SHTN1: variants seen among roughly 807,000 people sequenced by gnomAD.
SHTN1 encodes the protein shootin 1.
A neutral mutation model predicts 83.1 loss-of-function variants in SHTN1; 42 were observed. The observed-to-expected ratio is 0.51, with a 90% CI of 0.39 to 0.65. The LOEUF (loss-of-function observed/expected upper bound fraction) is 0.65, where lower values mean the gene tolerates loss of function less well. Among genes scored for constraint, SHTN1 ranks in the 30% least tolerant of loss-of-function variants. The pLI is 0.00. For synonymous variants in SHTN1, 224 were observed against 247.7 expected (o/e 0.90, Z 0.90); for missense variants, 622 against 737.8 (o/e 0.84, Z 1.82).
Position 117,069,770 on chromosome 10 carries a change from G to A in SHTN1, c.-188-21260C>T, listed in dbSNP as rs75136172. 2.8e-3 allele frequency among the ~76,000 whole-genome samples: 429 copies of A among 152,236 alleles called. 2 individuals carry two copies. Among genetic ancestry groups the A allele is most frequent in the African/African-American group, 1.0e-2 (415 of 41,544 alleles). ...AAACAGCTAGTGAGTATAATCAGGA[G>A]ATAACACATGCCATTTTTCTGTTGG... On this transcript the variant is annotated intron_variant, in intron 1 of 17. Transcript: ENST00000392901.
intron 7 of SHTN1, among the ~76,000 whole-genome samples, chr10:116,947,233 G>A (rs1411231421): frequency 6.6e-6 from 1 of 152,086 alleles, no homozygotes; most frequent in Non-Finnish European, 1.5e-5. Flanking sequence ...CAGGACAGAG[G>A]GAGTGACGAT....
In SHTN1 at chr10:117,048,436, GT is replaced by G. The variant is rs559492451; in HGVS notation, c.-123+8del. 2,504 of 981,922 alleles carry G rather than the reference GT, an allele frequency of 2.6e-3. 3 individuals carry two copies. Among genetic ancestry groups the G allele is most frequent in the Non-Finnish European group, 2.7e-3 (2,267 of 826,784 alleles). 60.8% of individuals were successfully genotyped at this position (981,922 alleles called of 1,614,324 possible). ...TGATTAGACACATCGGCACGGTCTT[GT>G]TACCTACCCCCTTCTCTGAGGCAGA... On this transcript the variant is annotated splice_region_variant and intron_variant, in intron 2 of 17. Transcript: ENST00000392901.
intron 2 of SHTN1, among the ~76,000 whole-genome samples, chr10:117,015,519 C>T (rs539331005): frequency 3.9e-5 from 6 of 152,168 alleles, no homozygotes; most frequent in East Asian, 1.9e-4. Flanking sequence ...TTAGTACAGA[C>T]GGGATTTCTC....
chr10:117,072,129 T>C (rs1208277737), intron 1 of SHTN1, among the ~76,000 whole-genome samples: 1 of 152,198 alleles, frequency 6.6e-6, no homozygotes, highest in Non-Finnish European at 1.5e-5. Flanking sequence ...AATATGCGGA[T>C]GGGAAAAGAA....
chr10:117,068,758 T>C (rs1475073027), intron 1 of SHTN1, among the ~76,000 whole-genome samples: 1 of 152,190 alleles, frequency 6.6e-6, no homozygotes, highest in Non-Finnish European at 1.5e-5. Context: ...GAAATGTATA[T>C]TGAAATATTT....
At chr10:116,895,070 T>A (rs79438462) in intron 16 of SHTN1, among the ~76,000 whole-genome samples, 12 of 151,694 alleles carry the variant, frequency 7.9e-5, no homozygotes, top group African/African-American at 2.9e-4. Context: ...TAAAAAGGCA[T>A]AGAATAAAGT....
chr10:117,111,342 G>A (rs1853765649), intron 1 of SHTN1, among the ~76,000 whole-genome samples: 2 of 152,076 alleles, frequency 1.3e-5, no homozygotes, highest in East Asian at 3.9e-4. Flanking sequence ...TGCCCAGGCT[G>A]GAGTACAGTA....
rs184235676 is a variant in SHTN1, at chr10:117,057,108, T to C, written c.-188-8598A>G. ...TTTGCAGAGAACATGACTGTTTACA[T>C]AGAAAATCTCAAGAAATCTAGAATC... On this transcript the variant is annotated intron_variant, in intron 1 of 17. Coordinates refer to the SHTN1 transcript ENST00000392901. 1.1e-3 allele frequency among the ~76,000 whole-genome samples: 171 copies of C among 152,268 alleles called. 2 individuals carry two copies. The highest frequency in any genetic ancestry group is 3.9e-3 in the African/African-American group (164 of 41,572).
At position 116,990,891 on chromosome 10, in the gene SHTN1, G is replaced by A. The variant is rs540751118; in HGVS notation, c.59-11583C>T. Among the ~76,000 whole-genome samples the A allele has an allele frequency of 2.0e-5, 3 of 152,066 alleles. No individual in the cohort carries two copies. In the East Asian group the frequency reaches 5.8e-4, roughly 30 times the overall value. The stretch of plus-strand genomic sequence containing the variant: ...GAAGACGTTGGTTAAAGCCTTAAAG[G>A]GCTTCTTGGTTTTGGCCGGGCGCAG... On this transcript the variant is annotated intron_variant, in intron 1 of 16. Coordinates refer to ENST00000355371, the MANE Select transcript of SHTN1 (RefSeq NM_001127211.3).
intron 3 of SHTN1, among the ~76,000 whole-genome samples, chr10:116,966,604 T>C (rs1351887657): frequency 2.0e-5 from 3 of 152,160 alleles, no homozygotes; most frequent in African/African-American, 7.2e-5. Context: ...AAAAGAGAAA[T>C]GGCAGATGAA....
chr10:117,005,529 T>A (rs1851989625), upstream of SHTN1: 1 of 998,620 alleles, frequency 1.0e-6, no homozygotes, highest in Non-Finnish European at 1.2e-6. Context: ...CTTTGGACGC[T>A]TCCCGGGGGT....
chr10:117,096,645 T>TA (rs1267866710), intron 1 of SHTN1, among the ~76,000 whole-genome samples: 1 of 152,218 alleles, frequency 6.6e-6, no homozygotes, highest in Non-Finnish European at 1.5e-5. Context: ...CAATTATAAA[T>TA]AAAAACTTTC....
chr10:116,957,825 T>A (rs1161141947), intron 4 of SHTN1, among the ~76,000 whole-genome samples: 2 of 152,046 alleles, frequency 1.3e-5, no homozygotes, highest in African/African-American at 4.8e-5. Flanking sequence ...TTTGGGAGGC[T>A]AAGGCGGGCA....
intron 1 of SHTN1, among the ~76,000 whole-genome samples, chr10:116,981,904 A>G (rs1851034320): frequency 6.6e-6 from 1 of 152,112 alleles, no homozygotes; most frequent in Admixed American, 6.5e-5. Context: ...TAAAAATACA[A>G]AAAGATTAGC....
chr10:117,001,645 C>A (rs1451976860), intron 1 of SHTN1, among the ~76,000 whole-genome samples: 1 of 152,018 alleles, frequency 6.6e-6, no homozygotes, highest in African/African-American at 2.4e-5. Context: ...TAGTTAGATA[C>A]AAGGAGTAAG....
chr10:116,954,247 G>A (rs1301702334), intron 4 of SHTN1, 37 bp from the exon 5 acceptor site: 2 of 1,391,828 alleles, frequency 1.4e-6, no homozygotes, highest in Non-Finnish European at 2.0e-6. Flanking sequence ...TTTAAAAGCA[G>A]CCAAATGAGT....
At chr10:116,934,322 C>T (rs1359289945) in intron 9 of SHTN1, among the ~76,000 whole-genome samples, 2 of 152,112 alleles carry the variant, frequency 1.3e-5, no homozygotes, top group African/African-American at 4.8e-5. Flanking sequence ...CTTCAATCCA[C>T]CTTGAGTTAA....
intron 2 of SHTN1, among the ~76,000 whole-genome samples, chr10:117,028,703 G>C (rs936413193): frequency 6.6e-6 from 1 of 152,156 alleles, no homozygotes; most frequent in Admixed American, 6.5e-5. Flanking sequence ...GCAAGCCTTG[G>C]CAGTTCCCAC....
intron 9 of SHTN1, among the ~76,000 whole-genome samples, chr10:116,939,570 G>A (rs546582833): frequency 2.6e-5 from 4 of 152,286 alleles, no homozygotes; most frequent in South Asian, 2.1e-4. Flanking sequence ...CGTTGATCCC[G>A]CTCGGAGCTG....
Sources: gnomAD v4.1 joint callset for allele counts (sites outside exome capture counted in the v4.1 genomes callset) on GRCh38, gnomAD v4.1.1 for gene constraint, MANE v1.5 for transcripts, NCBI Gene and HGNC (gene_info 2026-07-23, HGNC 2026-07-21) for gene names.